PUDP: variants seen among roughly 807,000 people sequenced by gnomAD.
PUDP encodes pseudouridine-5'-phosphatase.
A neutral mutation model predicts 9.4 loss-of-function variants in PUDP; 8 were observed. That is an observed-to-expected ratio of 0.85 (90% CI 0.50 to 1.53). The LOEUF (loss-of-function observed/expected upper bound fraction) is 1.53, where lower values mean the gene tolerates loss of function less well. PUDP is among the 40% of genes most tolerant of loss of function. The probability of loss-of-function intolerance (pLI) is 0.00; values close to 1 mark genes in which losing one functional copy is unlikely to be tolerated. For synonymous variants in PUDP, 99 were observed against 80.7 expected (o/e 1.23, Z -1.22); for missense variants, 188 against 189.7 (o/e 0.99, Z 0.05).
At chrX:6,758,343 G>A (rs374735299) in intron 3 of PUDP, among the ~76,000 whole-genome samples, 7 of 110,152 alleles carry the variant, frequency 6.4e-5, no homozygotes, top group Non-Finnish European at 1.1e-4. Flanking sequence ...TGCACCTCTG[G>A]TCCCTGATAC....
intron 2 of PUDP, among the ~76,000 whole-genome samples, chrX:7,097,518 T>C (rs1325680446): frequency 1.8e-5 from 2 of 112,057 alleles, no homozygotes; most frequent in African/African-American, 6.5e-5. Context: ...TCTACATCCC[T>C]TTGGCATCTC....
chrX:7,080,918 C>CAAA (rs746448938), intron 2 of PUDP, among the ~76,000 whole-genome samples: 7 of 47,961 alleles, frequency 1.5e-4, no homozygotes, highest in African/African-American at 5.1e-4. Flanking sequence ...GACTCCATCT[C>CAAA]AAAAAAAAAA....
intron 3 of PUDP, among the ~76,000 whole-genome samples, chrX:6,750,329 T>C (rs1267859646): frequency 8.9e-6 from 1 of 112,150 alleles, no homozygotes; most frequent in Non-Finnish European, 1.9e-5. Context: ...CATTTTGTTC[T>C]TACTACATTG....
intron 1 of PUDP, among the ~76,000 whole-genome samples, chrX:6,992,463 G>T (rs1357152303): frequency 9.3e-6 from 1 of 107,151 alleles, no homozygotes; most frequent in Admixed American, 1.0e-4. Context: ...TAGTAGAGAC[G>T]GGGTTTCACC....
intron 3 of PUDP, among the ~76,000 whole-genome samples, chrX:6,851,368 C>T (rs933326915): frequency 9.0e-6 from 1 of 111,393 alleles, no homozygotes; most frequent in Non-Finnish European, 1.9e-5. Flanking sequence ...AGATTGCAGA[C>T]GTGTCGGTTA....
intron 3 of PUDP, among the ~76,000 whole-genome samples, chrX:6,869,829 C>G (rs1927146457): frequency 9.0e-6 from 1 of 110,781 alleles, no homozygotes; most frequent in Non-Finnish European, 1.9e-5. Flanking sequence ...AATGGTGCGG[C>G]TCTTATGAAA....
At chrX:6,716,360 A>C (rs1286893589) in intron 1 of PUDP, among the ~76,000 whole-genome samples, 1 of 111,964 alleles carries the variant, frequency 8.9e-6, no homozygotes, top group Non-Finnish European at 1.9e-5. Context: ...CTTGAAGAAA[A>C]AATATTCATG....
At chrX:7,121,037 A>C (rs1317463674) in intron 1 of PUDP, among the ~76,000 whole-genome samples, 2 of 111,818 alleles carry the variant, frequency 1.8e-5, no homozygotes, top group Non-Finnish European at 3.8e-5. Flanking sequence ...AAGATTTGTC[A>C]TCTGGGTGTG....
At chrX:6,963,696 G>A (rs1310748607) in intron 3 of PUDP, among the ~76,000 whole-genome samples, 2 of 111,932 alleles carry the variant, frequency 1.8e-5, no homozygotes, top group Non-Finnish European at 3.8e-5. Flanking sequence ...GAGACCAGGT[G>A]GTCTGAGAGC....
intron 3 of PUDP, among the ~76,000 whole-genome samples, chrX:6,775,719 G>A (rs886755601): frequency 1.8e-5 from 2 of 110,572 alleles, no homozygotes; most frequent in Non-Finnish European, 3.8e-5. Context: ...GGTGATGAGG[G>A]TGGAGCCCTT....
At chrX:6,985,959 G>T (rs1929097295) in intron 1 of PUDP, among the ~76,000 whole-genome samples, 1 of 111,850 alleles carries the variant, frequency 8.9e-6, no homozygotes, top group Non-Finnish European at 1.9e-5. Context: ...GCAACAGGTT[G>T]CAGTAAAGAA....
At position 6,932,475 on chromosome X, in the gene PUDP, T is replaced by C. The variant is rs896451741; in HGVS notation, c.*247+44658A>G. Among the ~76,000 whole-genome samples the C allele has an allele frequency of 5.9e-4, 66 of 111,515 alleles. 1 individual carries two copies. The highest frequency in any genetic ancestry group is 1.0e-3 in the Non-Finnish European group (53 of 52,998). On this transcript the variant is annotated intron_variant and NMD_transcript_variant, in intron 3 of 3. Coordinates refer to the PUDP transcript ENST00000655425. Reference sequence around the variant, plus strand: ...TCATCCTTAAAGAATCCAGTAGCCATAGAGGTGGTGGAGGAGCCATGATGG... The same window carrying C: ...TCATCCTTAAAGAATCCAGTAGCCACAGAGGTGGTGGAGGAGCCATGATGG...
At chrX:7,066,633 G>C (rs1363458281) in intron 3 of PUDP, among the ~76,000 whole-genome samples, 1 of 111,267 alleles carries the variant, frequency 9.0e-6, no homozygotes, top group Admixed American at 9.5e-5. Context: ...ACTTCCTGCT[G>C]TGCGCCCTGC....
At chrX:7,083,468 T>C (rs1429826182) in intron 2 of PUDP, among the ~76,000 whole-genome samples, 2 of 111,188 alleles carry the variant, frequency 1.8e-5, no homozygotes, top group African/African-American at 6.6e-5. Flanking sequence ...AAAGAACATA[T>C]GAGGATTAAA....
chrX:6,999,425 T>C (rs1454578943), intron 1 of PUDP, among the ~76,000 whole-genome samples: 1 of 112,115 alleles, frequency 8.9e-6, no homozygotes, highest in Non-Finnish European at 1.9e-5. Context: ...CTCAAGTTAG[T>C]ATCACAACAT....
chrX:7,119,214 C>T (rs1407211556), intron 1 of PUDP, among the ~76,000 whole-genome samples: 1 of 112,610 alleles, frequency 8.9e-6, no homozygotes, highest in Non-Finnish European at 1.9e-5. Context: ...GTGATGAGAA[C>T]ATCAAATGAT....
chrX:7,142,871 G>C (rs1457757120), intron 1 of PUDP, among the ~76,000 whole-genome samples: 1 of 110,518 alleles, frequency 9.0e-6, no homozygotes, highest in African/African-American at 3.3e-5. Flanking sequence ...GACTGGTCTC[G>C]AACTCCTGAC....
intron 3 of PUDP, among the ~76,000 whole-genome samples, chrX:6,873,911 G>A (rs746136392): frequency 7.2e-5 from 8 of 111,501 alleles, no homozygotes; most frequent in East Asian, 5.7e-4. Context: ...TAAATGCTCT[G>A]GTAAATAATT....
chrX:6,931,838 C>T (rs1419172008), intron 3 of PUDP, among the ~76,000 whole-genome samples: 1 of 111,185 alleles, frequency 9.0e-6, no homozygotes, highest in Non-Finnish European at 1.9e-5. Flanking sequence ...TATCTATAGT[C>T]TTAGCTGCAG....
Sources: allele counts gnomAD v4.1 joint callset (sites outside exome capture counted in the v4.1 genomes callset), GRCh38; gene constraint gnomAD v4.1.1; transcripts MANE v1.5; gene names NCBI Gene and HGNC (gene_info 2026-07-23, HGNC 2026-07-21).